Variants in EXPH5 observed in about 807,000 individuals in gnomAD.
EXPH5 encodes the protein exophilin 5.
Under a neutral mutation model 41.1 loss-of-function variants are expected in EXPH5, and 42 were observed. That is an observed-to-expected ratio of 1.02 (90% CI 0.80 to 1.32). EXPH5 has a LOEUF of 1.32. Among genes scored for constraint, EXPH5 ranks in the 40% most tolerant of loss-of-function variants. The pLI is 0.00. For synonymous variants in EXPH5, 798 were observed against 833.5 expected (o/e 0.96, Z 0.73); for missense variants, 2,298 against 2,314.5 (o/e 0.99, Z 0.15).
chr11:108,586,806 C>T (rs2094114793), intron 1 of EXPH5, among the ~76,000 whole-genome samples: 1 of 151,660 alleles, frequency 6.6e-6, no homozygotes. Flanking sequence ...TCTAGAAAGC[C>T]TAACACACCA....
Position 108,510,422 on chromosome 11 carries a change from A to C in EXPH5, c.5085T>G (p.Ile1695Met), listed in dbSNP as rs1295032423. Residue 1695 changes from isoleucine to methionine, a missense_variant, in exon 6 of 6, where the codon ATT becomes ATG. By Grantham distance (10) the Ile-to-Met change is conservative. Transcript: ENST00000265843. ...THVSNQKSNS[I>M]SQRHQNEFKN... is the part of the protein sequence containing the mutation. ...TAAACTCATTCTGATGTCGTTGTGA[A>C]ATGCTGTTAGACTTCTGGTTGCTGA... The C allele has an allele frequency of 6.2e-6, 10 of 1,613,818 alleles. No individual in the cohort carries two copies. Among genetic ancestry groups the C allele is most frequent in the African/African-American group, 1.3e-5 (1 of 74,848 alleles).
chr11:108,516,662 A>C (rs555172721), intron 5 of EXPH5, among the ~76,000 whole-genome samples: 1 of 152,334 alleles, frequency 6.6e-6, no homozygotes, highest in South Asian at 2.1e-4. Flanking sequence ...GATTTAAAAA[A>C]ATCTGTTCTG....
intron 3 of EXPH5, among the ~76,000 whole-genome samples, chr11:108,532,872 TTGTC>T (rs1185455592): frequency 6.6e-6 from 1 of 152,166 alleles, no homozygotes; most frequent in African/African-American, 2.4e-5. Flanking sequence ...TACCTGGACT[TTGTC>T]TGTATGTGCT....
chr11:108,514,222 A>G lies in EXPH5; in HGVS notation c.1285T>C (p.Leu429=). The change falls in exon 6 of 6, where the codon TTA becomes CTA. Residue 429 remains leucine (L), a synonymous_variant. Transcript: ENST00000265843. ...ATTGCATTCTCCATGGGAGCATTTAAACTAACACGTTGGTAAACATTCTGT... is the reference window on the plus strand; with the variant it reads ...ATTGCATTCTCCATGGGAGCATTTAGACTAACACGTTGGTAAACATTCTGT... ...HSQNVYQRVS[L]NAPMENAMSP... The G allele has an allele frequency of 6.2e-7, 1 of 1,614,198 alleles. No individual in the cohort carries two copies.
At position 108,512,316 on chromosome 11, in the gene EXPH5, T is replaced by C; in HGVS notation, c.3191A>G (p.Asn1064Ser). 1 of 1,613,702 alleles carries C rather than the reference T, an allele frequency of 6.2e-7. No homozygotes were observed. Among genetic ancestry groups the C allele is most frequent in the Non-Finnish European group, 8.5e-7 (1 of 1,179,878 alleles). Reference protein sequence around the residue: ...IKNNVEDAMGNYMLNKFSPSS... With the variant: ...IKNNVEDAMGSYMLNKFSPSS... ...GGGACTAAATTTGTTTAACATATAG[T>C]TCCCCATTGCATCTTCCACATTATT... Residue 1064 changes from asparagine (N) to serine (S), a missense_variant, in exon 6 of 6, where the codon AAC (asparagine) becomes AGC (serine). Transcript: ENST00000265843.
Position 108,513,981 on chromosome 11 carries a change from A to G in EXPH5, c.1526T>C (p.Met509Thr), listed in dbSNP as rs1206458818. ...TACACTATTTGCTTCCATGGAAATC[A>G]TTTCAAAGTCTCTGTCAGAAGAACT... is the stretch of plus-strand genomic sequence containing the variant. The part of the protein sequence containing the change: ...SFSSSDRDFE[M>T]ISMEANSVSA... Residue 509 changes from methionine to threonine, a missense_variant, in exon 6 of 6, where the codon ATG becomes ACG. Coordinates refer to ENST00000265843, the MANE Select transcript of EXPH5 (RefSeq NM_015065.3). 1.7e-5 allele frequency: 27 copies of G among 1,611,012 alleles called. No individual in the cohort carries two copies. The highest frequency in any genetic ancestry group is 3.4e-5 in the Admixed American group (2 of 59,498).
chr11:108,574,244 T>C (rs2094072677), intron 1 of EXPH5, among the ~76,000 whole-genome samples: 1 of 151,900 alleles, frequency 6.6e-6, no homozygotes, highest in Non-Finnish European at 1.5e-5. Flanking sequence ...CTGGGTGTGG[T>C]GGTGCACGTT....
At chr11:108,566,102 A>G (rs2136089887) in intron 1 of EXPH5, among the ~76,000 whole-genome samples, 1 of 152,378 alleles carries the variant, frequency 6.6e-6, no homozygotes, top group South Asian at 2.1e-4. Context: ...AACACAGGAC[A>G]TGGTTGATAA....
rs573747426 is a variant in EXPH5, at chr11:108,584,461, A to C, written c.119+8957T>G. Among the ~76,000 whole-genome samples the C allele has an allele frequency of 1.2e-4, 19 of 152,110 alleles. No individual in the cohort carries two copies. In the East Asian group the frequency reaches 3.7e-3, roughly 29 times the overall value. On this transcript the variant is annotated intron_variant, in intron 1 of 5. Coordinates refer to ENST00000265843, the MANE Select transcript of EXPH5 (RefSeq NM_015065.3). ...CCACCGCACTCCAGCTTAGGCGACAAAGAGAGACCCTGTCTCAAAAAAAAA... is the reference window on the plus strand; with the variant it reads ...CCACCGCACTCCAGCTTAGGCGACACAGAGAGACCCTGTCTCAAAAAAAAA...
In EXPH5 at chr11:108,510,034, A is replaced by G. The variant is rs371767083; in HGVS notation, c.5473T>C (p.Ser1825Pro). ...AGTCGACTCAGGGCATTGTCAATAGAAGTGCTTTCAGAAAAATGGCGCTCC... is the reference window on the plus strand; with the variant it reads ...AGTCGACTCAGGGCATTGTCAATAGGAGTGCTTTCAGAAAAATGGCGCTCC... ...VRERHFSESTSIDNALSRLTL... is the reference protein window; with the variant it reads ...VRERHFSESTPIDNALSRLTL... Residue 1825 changes from serine (S) to proline (P), a missense_variant, in exon 6 of 6, where the codon TCT (serine) becomes CCT (proline). By Grantham distance (74) the Ser-to-Pro change is moderately conservative. Coordinates refer to ENST00000265843, the MANE Select transcript of EXPH5 (RefSeq NM_015065.3). The G allele has an allele frequency of 7.4e-6, 12 of 1,612,622 alleles. No homozygotes were observed. Among genetic ancestry groups the G allele is most frequent in the Non-Finnish European group, 1.0e-5 (12 of 1,179,470 alleles).
chr11:108,569,699 G>C (rs373435792), intron 1 of EXPH5, among the ~76,000 whole-genome samples: 30 of 152,292 alleles, frequency 2.0e-4, no homozygotes, highest in African/African-American at 7.0e-4. Context: ...AAGAACATTT[G>C]TATATCTCCG....
rs2135925540 is a variant in EXPH5, at chr11:108,513,747, C to A, written c.1760G>T (p.Gly587Val). The change falls in exon 6 of 6, where the codon GGT (glycine) becomes GTT (valine). Residue 587 changes from glycine (G) to valine (V), a missense_variant. By Grantham distance (109) the Gly-to-Val change is moderately radical. Transcript: ENST00000265843. ...ACTAGATTTGACGTGATAGCTTGAA[C>A]CAGTCATGGAGCAAACATTTGGTGT... ...FGTPNVCSMT[G>V]SSYHVKSSEL... The A allele has an allele frequency of 6.2e-7, 1 of 1,610,380 alleles. No individual in the cohort carries two copies. The highest frequency in any genetic ancestry group is 1.1e-5 in the South Asian group (1 of 90,078).
chr11:108,509,691 T>A lies in EXPH5; in HGVS notation c.5816A>T (p.Asn1939Ile), dbSNP rs1175316396. Residue 1939 changes from asparagine to isoleucine, a missense_variant, in exon 6 of 6, where the codon AAT (asparagine) becomes ATT (isoleucine). By Grantham distance (149) the Asn-to-Ile change is moderately radical. Coordinates refer to ENST00000265843, the MANE Select transcript of EXPH5 (RefSeq NM_015065.3). The stretch of plus-strand genomic sequence containing the variant: ...TTCTGGCACCTGACTACTGGGAGAA[T>A]TTGAGCTTAATGACTCTGAGGGGTT... ...PPNPSESLSS[N>I]SPSSQVPEDG... is the part of the protein sequence containing the mutation. 6.2e-7 allele frequency: 1 copy of A among 1,613,726 alleles called. No homozygotes were observed.
intron 4 of EXPH5, among the ~76,000 whole-genome samples, chr11:108,522,757 C>T (rs912141096): frequency 1.3e-5 from 2 of 152,112 alleles, no homozygotes; most frequent in Non-Finnish European, 2.9e-5. Context: ...GACTCAGAAG[C>T]CCCTCAAAAT....
intron 1 of EXPH5, among the ~76,000 whole-genome samples, chr11:108,566,353 A>AG (rs932660287): frequency 3.3e-5 from 5 of 151,680 alleles, no homozygotes; most frequent in Admixed American, 6.6e-5. Flanking sequence ...GTGTGCATGG[A>AG]GGGGGGTGGT....
chr11:108,518,780 C>T (rs980052162), intron 4 of EXPH5, among the ~76,000 whole-genome samples: 2 of 152,118 alleles, frequency 1.3e-5, no homozygotes, highest in East Asian at 1.9e-4. Flanking sequence ...GAGGTCGGCA[C>T]GAGGTACAGG....
intron 1 of EXPH5, among the ~76,000 whole-genome samples, chr11:108,548,857 C>T (rs2093951026): frequency 6.6e-6 from 1 of 152,196 alleles, no homozygotes; most frequent in South Asian, 2.1e-4. Context: ...ATACACTCAA[C>T]ATTAGCAAGT....
At chr11:108,518,584 T>G (rs2093743124) in intron 4 of EXPH5, among the ~76,000 whole-genome samples, 1 of 152,342 alleles carries the variant, frequency 6.6e-6, no homozygotes, top group South Asian at 2.1e-4. Context: ...ATTATTTCAG[T>G]GATAAGCCTT....
At chr11:108,538,379 C>A (rs1198154981) in intron 3 of EXPH5, 16 of 353,364 alleles carry the variant, frequency 4.5e-5, no homozygotes, top group East Asian at 1.7e-4. Context: ...AGTAATCCAA[C>A]AACATAATGA....
Sources: allele counts gnomAD v4.1 joint callset (sites outside exome capture counted in the v4.1 genomes callset), GRCh38; gene constraint gnomAD v4.1.1; transcripts MANE v1.5; gene names NCBI Gene and HGNC (gene_info 2026-07-23, HGNC 2026-07-21).